Variants in NBEA observed in about 807,000 individuals in gnomAD.
NBEA encodes lysosomal-trafficking regulator 2.
NBEA carries 44 observed loss-of-function variants against 343.4 expected under a neutral mutation model. The ratio of observed to expected loss-of-function variants is 0.13; its 90% CI spans 0.10 to 0.16. The LOEUF is 0.16. Ranked by LOEUF, NBEA falls within the 10% of genes least tolerant of loss-of-function variation. The pLI, the probability that NBEA is intolerant of heterozygous loss-of-function variation, is 1.00. For missense variants in NBEA, 2,555 were observed against 3,631.3 expected, an observed-to-expected ratio of 0.70 and a Z score of 7.62; for synonymous variants, 1,175 against 1,238.7, an observed-to-expected ratio of 0.95 and a Z score of 1.08.
At chr13:35,110,096 T>C (rs2066122929) in intron 12 of NBEA, among the ~76,000 whole-genome samples, 1 of 149,026 alleles carries the variant, frequency 6.7e-6, no homozygotes, top group Non-Finnish European at 1.5e-5. Flanking sequence ...AGGGTACATG[T>C]GCACATTGTG....
At chr13:35,479,610 C>T (rs1214246767) in intron 41 of NBEA, among the ~76,000 whole-genome samples, 2 of 151,986 alleles carry the variant, frequency 1.3e-5, no homozygotes, top group Non-Finnish European at 1.5e-5. Context: ...AACTATTTTT[C>T]AGTGAATTTT....
At chr13:35,075,847 G>A (rs898504583) in intron 10 of NBEA, among the ~76,000 whole-genome samples, 2 of 151,900 alleles carry the variant, frequency 1.3e-5, no homozygotes, top group South Asian at 2.1e-4. Context: ...ATATTTCAGC[G>A]TCTAACTGCC....
intron 38 of NBEA, among the ~76,000 whole-genome samples, chr13:35,418,843 T>C (rs2044107152): frequency 6.6e-6 from 1 of 152,050 alleles, no homozygotes; most frequent in Non-Finnish European, 1.5e-5. Context: ...TTGAGGCTGC[T>C]ATAACAAATT....
intron 10 of NBEA, among the ~76,000 whole-genome samples, chr13:35,071,749 A>G (rs987361518): frequency 1.3e-5 from 2 of 152,074 alleles, no homozygotes; most frequent in Non-Finnish European, 2.9e-5. Context: ...TTAAGGTACA[A>G]TGAAATGCTT....
intron 38 of NBEA, among the ~76,000 whole-genome samples, chr13:35,373,542 A>C (rs2041565816): frequency 1.5e-5 from 2 of 131,952 alleles, no homozygotes; most frequent in Admixed American, 1.4e-4. Context: ...CCATCTCTAT[A>C]AAAAATACAA....
intron 11 of NBEA, among the ~76,000 whole-genome samples, chr13:35,107,912 T>A (rs2065996536): frequency 6.6e-6 from 1 of 152,088 alleles, no homozygotes; most frequent in Non-Finnish European, 1.5e-5. Context: ...TTAGTTTTGG[T>A]CCTCACCAAT....
At chr13:35,655,038 C>T (rs765636712) in intron 54 of NBEA, 28 bp downstream of exon 54, 1 of 1,446,412 alleles carries the variant, frequency 6.9e-7, no homozygotes, top group East Asian at 2.6e-5. Context: ...ACACCATATT[C>T]TCTTCAAAAT....
chr13:35,437,745 A>C (rs1841660), intron 39 of NBEA, among the ~76,000 whole-genome samples: 38,294 of 151,888 alleles, frequency 0.25, 5,097 homozygotes, highest in South Asian at 0.35. Context: ...TTTAAAACTC[A>C]TAAACTCACC....
At chr13:35,041,982 A>C (rs1404086214) in intron 2 of NBEA, among the ~76,000 whole-genome samples, 1 of 151,978 alleles carries the variant, frequency 6.6e-6, no homozygotes, top group African/African-American at 2.4e-5. Context: ...AAAAGTGCTG[A>C]TATTACCCTC....
chr13:35,300,142 T>C (rs937311652), intron 35 of NBEA, among the ~76,000 whole-genome samples: 1 of 152,264 alleles, frequency 6.6e-6, no homozygotes, highest in Non-Finnish European at 1.5e-5. Context: ...ATCAGTTACA[T>C]AGTAATATGC....
At chr13:35,503,686 T>C (rs2076972806) in intron 41 of NBEA, among the ~76,000 whole-genome samples, 1 of 152,092 alleles carries the variant, frequency 6.6e-6, no homozygotes. Context: ...GAGGCATCTA[T>C]ACAAATTGCT....
chr13:35,118,756 A>AGCAAG (rs1277221596), intron 16 of NBEA, among the ~76,000 whole-genome samples: 1 of 152,130 alleles, frequency 6.6e-6, no homozygotes, highest in Non-Finnish European at 1.5e-5. Flanking sequence ...GACACGAAAA[A>AGCAAG]GCAAGGCACA....
intron 47 of NBEA, among the ~76,000 whole-genome samples, chr13:35,594,949 A>AT (rs773983306): frequency 6.2e-5 from 6 of 96,344 alleles, no homozygotes; most frequent in East Asian, 7.6e-4. Flanking sequence ...TGACATCATC[A>AT]CACACACACA....
chr13:35,661,041 T>G (rs2085067692), intron 55 of NBEA, among the ~76,000 whole-genome samples: 1 of 152,154 alleles, frequency 6.6e-6, no homozygotes, highest in Non-Finnish European at 1.5e-5. Context: ...ACCAGTAGAC[T>G]TTCCAGGGTT....
chr13:35,072,304 A>G (rs2063906380), intron 10 of NBEA, among the ~76,000 whole-genome samples: 1 of 152,074 alleles, frequency 6.6e-6, no homozygotes, highest in Admixed American at 6.6e-5. Flanking sequence ...ACCATATGTA[A>G]TAGGTTATTT....
At chr13:35,135,572 T>A (rs926389007) in intron 17 of NBEA, among the ~76,000 whole-genome samples, 1 of 151,970 alleles carries the variant, frequency 6.6e-6, no homozygotes, top group African/African-American at 2.4e-5. Context: ...GTAAAAAATA[T>A]AATTTTTATT....
intron 38 of NBEA, among the ~76,000 whole-genome samples, chr13:35,421,350 G>T (rs1221077916): frequency 6.6e-6 from 1 of 151,740 alleles, no homozygotes; most frequent in African/African-American, 2.4e-5. Context: ...AGCTTTTTTA[G>T]TGTTTGCTCT....
chr13:35,551,605 G>A (rs1001981194), intron 43 of NBEA, among the ~76,000 whole-genome samples: 1 of 152,128 alleles, frequency 6.6e-6, no homozygotes, highest in Non-Finnish European at 1.5e-5. Context: ...GCTGATATCA[G>A]TTTGTCGTTT....
chr13:34,947,240 A>G (rs1291908383), intron 1 of NBEA, among the ~76,000 whole-genome samples: 1 of 152,162 alleles, frequency 6.6e-6, no homozygotes, highest in Non-Finnish European at 1.5e-5. Flanking sequence ...TAATTTAGTC[A>G]CATAATGACA....
Sources: gnomAD v4.1 joint callset for allele counts (sites outside exome capture counted in the v4.1 genomes callset) on GRCh38, gnomAD v4.1.1 for gene constraint, MANE v1.5 for transcripts, NCBI Gene and HGNC (gene_info 2026-07-23, HGNC 2026-07-21) for gene names.